Variants in GPR65 observed in about 807,000 individuals in gnomAD.
GPR65 encodes G protein-coupled receptor 65, also known as T-cell death-associated gene 8 protein.
A neutral mutation model predicts 0.7 loss-of-function variants in GPR65; 2 were observed. The ratio of observed to expected loss-of-function variants is 2.83; its 90% CI spans 1.16 to 8.92. The LOEUF is 8.92. Among genes scored for constraint, GPR65 ranks in the 30% most tolerant of loss-of-function variants. GPR65 has a pLI of 0.04. For missense variants in GPR65, 379 were observed against 399.4 expected (o/e 0.95, Z 0.43); for synonymous variants, 128 against 146.5 (o/e 0.87, Z 0.91).
intron 1 of GPR65, among the ~76,000 whole-genome samples, chr14:88,006,878 T>G (rs144500331): frequency 1.3e-5 from 2 of 152,306 alleles, no homozygotes; most frequent in Middle Eastern, 3.4e-3. Flanking sequence ...GTTATATCCT[T>G]TAGAAGTTTC....
chr14:88,011,156 A>C lies in GPR65; in HGVS notation c.309A>C (p.Ala103=). The C allele has an allele frequency of 6.2e-7, 1 of 1,613,912 alleles. No individual in the cohort carries two copies. Among genetic ancestry groups the C allele is most frequent in the Non-Finnish European group, 8.5e-7 (1 of 1,179,882 alleles). The change falls in exon 2 of 2, where the codon GCA becomes GCC. Residue 103 remains alanine (A), a synonymous_variant. Coordinates refer to ENST00000267549, the MANE Select transcript of GPR65 (RefSeq NM_003608.4). ...LMYMNFYSST[A]FLTCIAVDRY... ...ACATGAATTTTTACAGCAGCACAGC[A>C]TTCCTCACCTGCATTGCCGTTGATC...
chr14:88,006,680 T>C (rs1283318815), intron 1 of GPR65, among the ~76,000 whole-genome samples: 1 of 152,162 alleles, frequency 6.6e-6, no homozygotes, highest in Non-Finnish European at 1.5e-5. Context: ...AAGAGGCACA[T>C]GCTGCCCATT....
At position 88,011,099 on chromosome 14, in the gene GPR65, T is replaced by A. The variant is rs148741118; in HGVS notation, c.252T>A (p.Pro84=). ...ATAAAGACAACTGGACTTTCTCTCC[T>A]GCCTTGTGCAAAGGGAGTGCTTTTC... ...TWNKDNWTFS[P]ALCKGSAFLM... The change falls in exon 2 of 2, where the codon CCT becomes CCA. Residue 84 remains proline (P), a synonymous_variant. Transcript: ENST00000267549. The A allele has an allele frequency of 9.9e-6, 16 of 1,613,920 alleles. No homozygotes were observed. The highest frequency in any genetic ancestry group is 6.7e-5 in the Admixed American group (4 of 60,000).
intron 1 of GPR65, among the ~76,000 whole-genome samples, chr14:88,009,915 T>C (rs1327428490): frequency 6.6e-6 from 1 of 152,234 alleles, no homozygotes; most frequent in African/African-American, 2.4e-5. Context: ...TCTAAAACTT[T>C]ATTGTATTTC....
rs185142214 is a variant in GPR65 at position 88,011,659 on chromosome 14, T to C, written c.812T>C (p.Met271Thr). The change falls in exon 2 of 2, where the codon ATG becomes ACG. Residue 271 changes from methionine (M) to threonine (T), a missense_variant. Coordinates refer to ENST00000267549, the MANE Select transcript of GPR65 (RefSeq NM_003608.4). ...AATTCTGGGAAGCGAACTTACACAA[T>C]GTATAGAATCACGGTTGCATTAACA... ...HSNSGKRTYT[M>T]YRITVALTSL... 48 of 1,613,866 alleles carry C rather than the reference T, an allele frequency of 3.0e-5. No individual in the cohort carries two copies. The Admixed American group carries it at 6.5e-4, about 22-fold the overall frequency.
chr14:88,010,963 C>T lies in GPR65; in HGVS notation c.116C>T (p.Ser39Phe), dbSNP rs139430517. 20 of 1,613,268 alleles carry T rather than the reference C, an allele frequency of 1.2e-5. No homozygotes were observed. In the African/African-American group the frequency reaches 2.7e-4, roughly 22 times the overall value. Residue 39 changes from serine (S) to phenylalanine (F), a missense_variant, in exon 2 of 2, where the codon TCT (serine) becomes TTT (phenylalanine). Transcript: ENST00000267549. Reference protein sequence around the residue: ...IPANIGSLCVSFLQAKKESEL... With the variant: ...IPANIGSLCVFFLQAKKESEL... The stretch of plus-strand genomic sequence containing the variant: ...GCCAATATTGGATCTCTGTGTGTGT[C>T]TTTCCTGCAAGCAAAGAAGGAAAGT...
In GPR65 at chr14:88,011,649, A is replaced by T. The variant is rs1418251964; in HGVS notation, c.802A>T (p.Thr268Ser). Residue 268 changes from threonine to serine, a missense_variant, in exon 2 of 2, where the codon ACT (threonine) becomes TCT (serine). Physicochemically the swap from Thr to Ser is moderately conservative, Grantham distance 58 (BLOSUM62 1). Coordinates refer to ENST00000267549, the MANE Select transcript of GPR65 (RefSeq NM_003608.4). The part of the protein sequence containing the change: ...FEDHSNSGKR[T>S]YTMYRITVAL... ...AGACCACAGCAATTCTGGGAAGCGA[A>T]CTTACACAATGTATAGAATCACGGT... The T allele has an allele frequency of 6.2e-7, 1 of 1,613,850 alleles. No individual in the cohort carries two copies. Among genetic ancestry groups the T allele is most frequent in the Non-Finnish European group, 8.5e-7 (1 of 1,179,868 alleles).
chr14:88,006,066 C>A (rs1479746014), intron 1 of GPR65, among the ~76,000 whole-genome samples: 1 of 152,112 alleles, frequency 6.6e-6, no homozygotes, highest in Non-Finnish European at 1.5e-5. Flanking sequence ...AAATGAACAA[C>A]TATTATCTGC....
chr14:88,007,992 ATTAT>A (rs1455920820), intron 1 of GPR65, among the ~76,000 whole-genome samples: 2 of 152,078 alleles, frequency 1.3e-5, no homozygotes, highest in Admixed American at 6.6e-5. Context: ...AATTAGGTAA[ATTAT>A]TTATTTATTG....
At chr14:88,008,503 T>G (rs1459085172) in intron 1 of GPR65, among the ~76,000 whole-genome samples, 1 of 152,200 alleles carries the variant, frequency 6.6e-6, no homozygotes, top group Non-Finnish European at 1.5e-5. Context: ...TTCATTGAGG[T>G]GTAGATTTCA....
rs889759132 is a variant in GPR65 at position 88,012,306 on chromosome 14, T to C, written c.*445T>C. The C allele has an allele frequency of 6.5e-6, 1 of 153,094 alleles. No individual in the cohort carries two copies. Among genetic ancestry groups the C allele is most frequent in the Non-Finnish European group, 1.5e-5 (1 of 68,650 alleles). The allele number at this position is 153,094 out of a possible 1,614,324, so 9.5% of individuals were successfully genotyped here. A position where few individuals can be genotyped will look rare whatever the true frequency, so the allele number is the denominator to read the frequency against. On this transcript the variant is annotated 3_prime_UTR_variant, in exon 2 of 2. Coordinates refer to ENST00000267549, the MANE Select transcript of GPR65 (RefSeq NM_003608.4). ...ATACTGCTTCTAATCTCCTCATTCA[T>C]TAACAAATCTTTATTTTTTTATCTT...
At position 88,010,617 on chromosome 14, in the gene GPR65, T is replaced by C; in HGVS notation, c.-231T>C. ...AAATTCAGTTGACCCCTTTAGCCAA[T>C]TGCCAGGAGCCTGGATTTTTACTTC... is the stretch of plus-strand genomic sequence containing the variant. On this transcript the variant is annotated 5_prime_UTR_variant, in exon 2 of 2. Coordinates refer to ENST00000267549, the MANE Select transcript of GPR65 (RefSeq NM_003608.4). The C allele has an allele frequency of 2.1e-6, 1 of 476,620 alleles. No individual in the cohort carries two copies. Among genetic ancestry groups the C allele is most frequent in the South Asian group, 2.9e-5 (1 of 34,508 alleles). 29.5% of individuals were successfully genotyped at this position (476,620 alleles called of 1,614,324 possible). A position where few individuals can be genotyped will look rare whatever the true frequency, so the allele number is the denominator to read the frequency against.
At chr14:88,007,725 G>A (rs1012589225) in intron 1 of GPR65, among the ~76,000 whole-genome samples, 1 of 149,846 alleles carries the variant, frequency 6.7e-6, no homozygotes, top group Non-Finnish European at 1.5e-5. Flanking sequence ...AAAGTTTTGT[G>A]GATCTGGTTT....
At chr14:88,009,970 C>T (rs149478364) in intron 1 of GPR65, among the ~76,000 whole-genome samples, 1 of 152,186 alleles carries the variant, frequency 6.6e-6, no homozygotes, top group Non-Finnish European at 1.5e-5. Flanking sequence ...TTGAAAGTGC[C>T]GTACACCTAG....
chr14:88,010,661 TA>T lies in GPR65; in HGVS notation c.-182del. On this transcript the variant is annotated 5_prime_UTR_variant, in exon 2 of 2. Coordinates refer to ENST00000267549, the MANE Select transcript of GPR65 (RefSeq NM_003608.4). Reference sequence around the variant, plus strand: ...TTACTTCCAACTGCTGATATCTGTGTAAAAATTGATCTACATCCACCCTTTA... The same window carrying T: ...TTACTTCCAACTGCTGATATCTGTGTAAAATTGATCTACATCCACCCTTTA... The T allele has an allele frequency of 1.8e-6, 1 of 552,960 alleles. No homozygotes were observed. The highest frequency in any genetic ancestry group is 2.4e-5 in the South Asian group (1 of 41,652). The allele number at this position is 552,960 out of a possible 1,614,324, so 34.3% of individuals were successfully genotyped here.
intron 1 of GPR65, among the ~76,000 whole-genome samples, chr14:88,007,763 C>T (rs568508574): frequency 2.0e-5 from 3 of 147,050 alleles, no homozygotes; most frequent in African/African-American, 5.0e-5. Context: ...CAATCTGACA[C>T]GTAGTTGCTT....
Sources: gnomAD v4.1 joint callset for allele counts (sites outside exome capture counted in the v4.1 genomes callset) on GRCh38, gnomAD v4.1.1 for gene constraint, MANE v1.5 for transcripts, NCBI Gene and HGNC (gene_info 2026-07-23, HGNC 2026-07-21) for gene names.